TAFA1: variants seen among roughly 807,000 people sequenced by gnomAD.
TAFA1 encodes the protein TAFA chemokine like family member 1, also known as chemokine-like protein TAFA-1.
Under a neutral mutation model 18.5 loss-of-function variants are expected in TAFA1, and 4 were observed. That is an observed-to-expected ratio of 0.22 (90% CI 0.11 to 0.49). The LOEUF is 0.49. TAFA1 is among the 20% of genes least tolerant of loss of function. TAFA1 has a pLI of 0.98. For synonymous variants in TAFA1, 56 were observed against 55.2 expected (o/e 1.01, Z -0.06); for missense variants, 147 against 169.0 (o/e 0.87, Z 0.72).
intron 2 of TAFA1, among the ~76,000 whole-genome samples, chr3:68,383,484 TA>T (rs1389616451): frequency 3.9e-5 from 6 of 152,190 alleles, no homozygotes; most frequent in Admixed American, 6.6e-5. Flanking sequence ...GAATCACATT[TA>T]TTTTTTTGTG....
At chr3:68,241,412 C>T (rs2066998239) in intron 2 of TAFA1, among the ~76,000 whole-genome samples, 1 of 152,130 alleles carries the variant, frequency 6.6e-6, no homozygotes. Flanking sequence ...CCACAGGAGA[C>T]TCAACATATA....
At chr3:68,246,608 A>AT (rs1284913247) in intron 2 of TAFA1, among the ~76,000 whole-genome samples, 9 of 147,086 alleles carry the variant, frequency 6.1e-5, no homozygotes, top group African/African-American at 2.3e-4. Flanking sequence ...AAAAAAAAAA[A>AT]AAAAAAAAAA....
intron 2 of TAFA1, among the ~76,000 whole-genome samples, chr3:68,024,549 A>C (rs1221262891): frequency 6.6e-6 from 1 of 152,140 alleles, no homozygotes; most frequent in Non-Finnish European, 1.5e-5. Context: ...CTTGATGGGC[A>C]GAGTACATTG....
chr3:68,438,451 G>T (rs993818762), intron 3 of TAFA1, among the ~76,000 whole-genome samples: 1 of 152,140 alleles, frequency 6.6e-6, no homozygotes, highest in African/African-American at 2.4e-5. Flanking sequence ...AAGGCCTTGG[G>T]CAGTCCAACC....
At chr3:68,225,885 TA>T (rs5849808) in intron 2 of TAFA1, among the ~76,000 whole-genome samples, 81,694 of 148,788 alleles carry the variant, frequency 0.55, 22,503 homozygotes, top group Admixed American at 0.64. Context: ...GCTGTAAGCA[TA>T]AAAAAAAAAA....
intron 2 of TAFA1, among the ~76,000 whole-genome samples, chr3:68,288,775 CTG>C (rs1335177542): frequency 6.6e-6 from 1 of 152,202 alleles, no homozygotes; most frequent in African/African-American, 2.4e-5. Flanking sequence ...TTATTAATGA[CTG>C]TTTCATGATA....
intron 2 of TAFA1, among the ~76,000 whole-genome samples, chr3:68,163,349 G>A (rs1489245175): frequency 2.0e-5 from 3 of 152,066 alleles, no homozygotes; most frequent in African/African-American, 7.2e-5. Context: ...ATTACCTTTG[G>A]CCAATACTTG....
At chr3:68,081,726 C>G (rs1170657154) in intron 2 of TAFA1, among the ~76,000 whole-genome samples, 2 of 152,300 alleles carry the variant, frequency 1.3e-5, no homozygotes, top group African/African-American at 2.4e-5. Flanking sequence ...AGCTGTCAGA[C>G]AGGGACATTT....
At chr3:68,319,558 C>CT (rs1488851456) in intron 2 of TAFA1, among the ~76,000 whole-genome samples, 1 of 152,204 alleles carries the variant, frequency 6.6e-6, no homozygotes, top group East Asian at 1.9e-4. Context: ...GCCCGAATGG[C>CT]TTATTGCTCA....
intron 3 of TAFA1, among the ~76,000 whole-genome samples, chr3:68,456,733 G>T (rs1410784580): frequency 6.6e-6 from 1 of 152,160 alleles, no homozygotes; most frequent in African/African-American, 2.4e-5. Context: ...TGCAAAAAAT[G>T]CAAGCTTTTG....
At chr3:68,522,071 TC>T (rs1188051356) in intron 3 of TAFA1, among the ~76,000 whole-genome samples, 1 of 151,928 alleles carries the variant, frequency 6.6e-6, no homozygotes, top group African/African-American at 2.4e-5. Context: ...GGTCTCCATC[TC>T]CTGGCTTCAA....
chr3:68,054,709 A>T (rs914222556), intron 2 of TAFA1, among the ~76,000 whole-genome samples: 4 of 152,212 alleles, frequency 2.6e-5, no homozygotes, highest in Non-Finnish European at 5.9e-5. Flanking sequence ...CAAGGCCTAA[A>T]CTGTTTACTA....
intron 2 of TAFA1, among the ~76,000 whole-genome samples, chr3:68,056,930 A>G (rs2106716431): frequency 6.6e-6 from 1 of 152,254 alleles, no homozygotes; most frequent in African/African-American, 2.4e-5. Context: ...ACCCCTTGCA[A>G]TACCCAGATC....
intron 3 of TAFA1, among the ~76,000 whole-genome samples, chr3:68,436,438 G>A (rs1391483218): frequency 6.6e-6 from 1 of 152,130 alleles, no homozygotes; most frequent in Non-Finnish European, 1.5e-5. Context: ...ACAGGACAGA[G>A]AGGAGAGAAA....
chr3:68,219,857 C>T (rs2066708365), intron 2 of TAFA1, among the ~76,000 whole-genome samples: 1 of 152,122 alleles, frequency 6.6e-6, no homozygotes, highest in Admixed American at 6.6e-5. Flanking sequence ...TCTGCCTGTC[C>T]TGGATGGGTA....
intron 2 of TAFA1, among the ~76,000 whole-genome samples, chr3:68,335,460 A>G (rs1300708145): frequency 6.6e-6 from 1 of 152,218 alleles, no homozygotes; most frequent in Non-Finnish European, 1.5e-5. Flanking sequence ...GATTATACAC[A>G]TGATCTTACA....
chr3:68,182,159 T>C (rs371485733), intron 2 of TAFA1, among the ~76,000 whole-genome samples: 342 of 152,236 alleles, frequency 2.2e-3, no homozygotes, highest in African/African-American at 8.0e-3. Flanking sequence ...CAGTGAGTCA[T>C]GATTAAACCA....
At chr3:68,018,659 G>T (rs1056245924) in intron 2 of TAFA1, among the ~76,000 whole-genome samples, 2 of 152,212 alleles carry the variant, frequency 1.3e-5, no homozygotes, top group African/African-American at 4.8e-5. Context: ...GTGGCACACA[G>T]TGAGGGCCAA....
intron 2 of TAFA1, among the ~76,000 whole-genome samples, chr3:68,231,998 C>A (rs983834035): frequency 2.2e-4 from 33 of 152,142 alleles, no homozygotes; most frequent in African/African-American, 8.0e-4. Context: ...TGCAAGTGTA[C>A]AGTATGCAGT....
Sources: gnomAD v4.1 joint callset for allele counts (sites outside exome capture counted in the v4.1 genomes callset) on GRCh38, gnomAD v4.1.1 for gene constraint, MANE v1.5 for transcripts, NCBI Gene and HGNC (gene_info 2026-07-23, HGNC 2026-07-21) for gene names.